MYO1D: variants seen among roughly 807,000 people sequenced by gnomAD.
MYO1D encodes the protein unconventional myosin-Id.
In MYO1D, 83 loss-of-function variants were observed where a neutral mutation model predicts 122.0. The ratio of observed to expected loss-of-function variants is 0.68; its 90% CI spans 0.57 to 0.82. MYO1D has a LOEUF of 0.82. Among genes scored for constraint, MYO1D ranks in the 40% least tolerant of loss-of-function variants. The pLI is 0.00. For synonymous variants in MYO1D, 464 were observed against 446.9 expected (o/e 1.04, Z -0.48); for missense variants, 1,157 against 1,269.5 (o/e 0.91, Z 1.35).
At chr17:32,703,696 C>T (rs1346176844) in intron 16 of MYO1D, among the ~76,000 whole-genome samples, 1 of 152,090 alleles carries the variant, frequency 6.6e-6, no homozygotes, top group Non-Finnish European at 1.5e-5. Flanking sequence ...CATTCCTCTT[C>T]CGAGACAACA....
chr17:32,720,840 T>C (rs1598038682), intron 15 of MYO1D, among the ~76,000 whole-genome samples, 183 bp downstream of exon 15: 1 of 152,226 alleles, frequency 6.6e-6, no homozygotes, highest in Non-Finnish European at 1.5e-5. Context: ...TCATGGTCCA[T>C]AAACCATGAA....
At chr17:32,797,073 C>T (rs1317147879) in intron 1 of MYO1D, among the ~76,000 whole-genome samples, 3 of 151,918 alleles carry the variant, frequency 2.0e-5, no homozygotes, top group African/African-American at 7.3e-5. Context: ...CAGGTTCAAG[C>T]GATTCCCCTG....
chr17:32,566,836 C>CTTTTTTTTTTTTT (rs1567892383), intron 21 of MYO1D, among the ~76,000 whole-genome samples: 1 of 148,372 alleles, frequency 6.7e-6, no homozygotes, highest in African/African-American at 2.5e-5. Flanking sequence ...CTCTTTTAAG[C>CTTTTTTTTTTTTT]TTCTTTTTAA....
chr17:32,818,083 G>A (rs1187372602), intron 1 of MYO1D, among the ~76,000 whole-genome samples: 1 of 129,456 alleles, frequency 7.7e-6, no homozygotes, highest in Non-Finnish European at 1.6e-5. Context: ...CCGAGATCCC[G>A]CCACTGCACT....
rs547180521 is a variant in MYO1D at position 32,727,993 on chromosome 17, A to G, written c.1747-6804T>C. Among the ~76,000 whole-genome samples, 10 of 152,342 alleles carry G rather than the reference A, an allele frequency of 6.6e-5. No individual in the cohort carries two copies. In the South Asian group the frequency reaches 1.7e-3, roughly 25 times the overall value. Reference sequence around the variant, plus strand: ...TAAATGACTCAAACACCAGGAAGATATAACAGTTCTAACTTGAATGAGCCT... The same window carrying G: ...TAAATGACTCAAACACCAGGAAGATGTAACAGTTCTAACTTGAATGAGCCT... On this transcript the variant is annotated intron_variant, in intron 14 of 21. Coordinates refer to ENST00000318217, the MANE Select transcript of MYO1D (RefSeq NM_015194.3).
chr17:32,824,288 T>G (rs1257692253), intron 1 of MYO1D, among the ~76,000 whole-genome samples: 1 of 152,182 alleles, frequency 6.6e-6, no homozygotes, highest in African/African-American at 2.4e-5. Flanking sequence ...TCCCAAAATT[T>G]AACTTATAAA....
chr17:32,515,001 G>C (rs1209909329), intron 21 of MYO1D, among the ~76,000 whole-genome samples: 1 of 152,220 alleles, frequency 6.6e-6, no homozygotes, highest in Non-Finnish European at 1.5e-5. Context: ...AATGAACAGG[G>C]ATAATGTTCT....
intron 21 of MYO1D, among the ~76,000 whole-genome samples, chr17:32,561,285 C>T (rs1247328057): frequency 2.0e-5 from 3 of 152,136 alleles, no homozygotes; most frequent in Non-Finnish European, 4.4e-5. Context: ...TAACATCCAT[C>T]ACTCAGTCCC....
chr17:32,677,580 AATATATATATATATATATAT>A (rs10523328), intron 16 of MYO1D, among the ~76,000 whole-genome samples: 3,829 of 135,816 alleles, frequency 0.028, 98 homozygotes, highest in Middle Eastern at 0.05. Flanking sequence ...TAGATAGATA[AATATATATATATATATATAT>A]ATATATATAT....
intron 16 of MYO1D, among the ~76,000 whole-genome samples, chr17:32,709,059 A>G (rs913042000): frequency 2.6e-5 from 4 of 152,188 alleles, no homozygotes; most frequent in Non-Finnish European, 5.9e-5. Context: ...GCTGCCACAG[A>G]CTGAAGTCTG....
intron 16 of MYO1D, among the ~76,000 whole-genome samples, chr17:32,688,920 AGTGTGTGT>A (rs3079901): frequency 4.4e-4 from 65 of 146,560 alleles, no homozygotes; most frequent in African/African-American, 1.3e-3. Context: ...TGATTTTTGA[AGTGTGTGT>A]GTGTGTGTGT....
chr17:32,816,999 A>G (rs2090618387), intron 1 of MYO1D, among the ~76,000 whole-genome samples: 1 of 152,136 alleles, frequency 6.6e-6, no homozygotes, highest in African/African-American at 2.4e-5. Context: ...TAGGCAAGTA[A>G]CTACTTGTAC....
In MYO1D at chr17:32,877,014, G is replaced by C. The variant is rs1406729506; in HGVS notation, c.-142C>G. The C allele has an allele frequency of 6.1e-6, 2 of 325,310 alleles. No homozygotes were observed. The highest frequency in any genetic ancestry group is 1.0e-5 in the Non-Finnish European group (2 of 192,982). 20.2% of individuals were successfully genotyped at this position (325,310 alleles called of 1,614,324 possible). A position where few individuals can be genotyped will look rare whatever the true frequency, so the allele number is the denominator to read the frequency against. ...GCGCGCACGCCGCTCGGCGGGTCCG[G>C]GCCGGACAGAGGCCGCCTCGCTGCT... On this transcript the variant is annotated 5_prime_UTR_variant, in exon 1 of 22. Transcript: ENST00000318217.
At position 32,494,553 on chromosome 17, in the gene MYO1D, T is replaced by A; in HGVS notation, c.*206A>T. On this transcript the variant is annotated 3_prime_UTR_variant, in exon 22 of 22. Transcript: ENST00000318217. Reference sequence around the variant, plus strand: ...TGGGCGGGGCACCAGGGTCTTTGGCTTATTGAACAGGGACCGTGGACAGTA... The same window carrying A: ...TGGGCGGGGCACCAGGGTCTTTGGCATATTGAACAGGGACCGTGGACAGTA... 2 of 661,120 alleles carry A rather than the reference T, an allele frequency of 3.0e-6. No homozygotes were observed. The highest frequency in any genetic ancestry group is 2.5e-6 in the Non-Finnish European group (1 of 400,628). The allele number at this position is 661,120 out of a possible 1,614,324, so 41.0% of individuals were successfully genotyped here.
At chr17:32,848,975 A>G (rs1804861370) in intron 1 of MYO1D, among the ~76,000 whole-genome samples, 1 of 152,244 alleles carries the variant, frequency 6.6e-6, no homozygotes, top group Non-Finnish European at 1.5e-5. Context: ...AAGTATAAGA[A>G]GAAATAAATT....
intron 1 of MYO1D, among the ~76,000 whole-genome samples, chr17:32,796,380 AAAT>A (rs2090417274): frequency 6.6e-6 from 1 of 152,344 alleles, no homozygotes; most frequent in South Asian, 2.1e-4. Context: ...TATGCATTTT[AAAT>A]AATATTAAAA....
intron 1 of MYO1D, among the ~76,000 whole-genome samples, chr17:32,813,505 T>C (rs2090589514): frequency 6.8e-6 from 1 of 147,432 alleles, no homozygotes; most frequent in African/African-American, 2.5e-5. Flanking sequence ...GGAGGAGGAG[T>C]GGGAAAGAGT....
At chr17:32,876,288 G>C (rs1182629055) in intron 1 of MYO1D, among the ~76,000 whole-genome samples, 2 of 152,100 alleles carry the variant, frequency 1.3e-5, no homozygotes, top group African/African-American at 4.8e-5. Context: ...AAAAAAAGAA[G>C]GGCGAAGAAA....
chr17:32,597,115 G>A (rs1261557096), intron 21 of MYO1D, among the ~76,000 whole-genome samples: 1 of 152,182 alleles, frequency 6.6e-6, no homozygotes, highest in African/African-American at 2.4e-5. Context: ...TGTTCACTTG[G>A]ACAGTTCTTC....
Sources: allele counts gnomAD v4.1 joint callset (sites outside exome capture counted in the v4.1 genomes callset), GRCh38; gene constraint gnomAD v4.1.1; transcripts MANE v1.5; gene names NCBI Gene and HGNC (gene_info 2026-07-23, HGNC 2026-07-21).